The following MECOM variants were observed in gnomAD, a reference collection of about 807,000 sequenced individuals.
MECOM encodes histone-lysine N-methyltransferase MECOM.
Under a neutral mutation model 116.3 loss-of-function variants are expected in MECOM, and 13 were observed. The observed-to-expected ratio is 0.11, with a 90% CI of 0.07 to 0.18. The LOEUF is 0.18. Ranked by LOEUF, MECOM falls within the 10% of genes least tolerant of loss-of-function variation. The pLI, the probability that MECOM is intolerant of heterozygous loss-of-function variation, is 1.00. For synonymous variants in MECOM, 528 were observed against 535.2 expected, an observed-to-expected ratio of 0.99 and a Z score of 0.19; for missense variants, 1,299 against 1,509.0, an observed-to-expected ratio of 0.86 and a Z score of 2.31.
At chr3:169,256,716 T>C (rs1341530124) in intron 2 of MECOM, among the ~76,000 whole-genome samples, 3 of 152,180 alleles carry the variant, frequency 2.0e-5, no homozygotes, top group African/African-American at 2.4e-5. Context: ...CAGTCATCAG[T>C]AGAAAAAGGT....
intron 1 of MECOM, among the ~76,000 whole-genome samples, chr3:169,393,673 A>AT (rs896252694): frequency 4.6e-5 from 7 of 152,062 alleles, no homozygotes; most frequent in African/African-American, 1.4e-4. Flanking sequence ...TATCTCAGTG[A>AT]TTTTTTTGGT....
chr3:169,348,850 T>C (rs918063944), intron 2 of MECOM, among the ~76,000 whole-genome samples: 1 of 152,000 alleles, frequency 6.6e-6, no homozygotes, highest in Non-Finnish European at 1.5e-5. Context: ...TTCAGCAGCA[T>C]GATACATTAC....
At chr3:169,382,879 A>AAAAAAAAAAAAG (rs1358767356) in intron 1 of MECOM, among the ~76,000 whole-genome samples, 11 of 138,544 alleles carry the variant, frequency 7.9e-5, no homozygotes, top group East Asian at 4.8e-4. Context: ...AAAAATAAAA[A>AAAAAAAAAAAAG]AAGAAGGTAA....
Position 169,483,439 on chromosome 3 carries a change from G to A in MECOM, c.38-101915C>T, listed in dbSNP as rs545632072. Among the ~76,000 whole-genome samples, 4 of 141,318 alleles carry A rather than the reference G, an allele frequency of 2.8e-5. No homozygotes were observed. In the East Asian group the frequency reaches 8.0e-4, roughly 28 times the overall value. The allele number at this position is 141,318 out of a possible 152,430, so 92.7% of individuals were successfully genotyped here. Reference sequence around the variant, plus strand: ...TGCCTCCCCAATGGCTGTCAGTTCGGTAAAGTCACCCTCTCCTTCTACTCT... The same window carrying A: ...TGCCTCCCCAATGGCTGTCAGTTCGATAAAGTCACCCTCTCCTTCTACTCT... On this transcript the variant is annotated intron_variant, in intron 1 of 16. Transcript: ENST00000651503.
At chr3:169,147,553 G>T in intron 2 of MECOM, 1 of 985,430 alleles carries the variant, frequency 1.0e-6, no homozygotes, top group Non-Finnish European at 1.2e-6. Flanking sequence ...CAAAAAGGTC[G>T]CCAAGACCCA....
intron 1 of MECOM, among the ~76,000 whole-genome samples, chr3:169,480,790 G>A (rs1432409241): frequency 6.6e-6 from 1 of 152,106 alleles, no homozygotes; most frequent in Non-Finnish European, 1.5e-5. Context: ...TGAAGATTAA[G>A]GGGCATATTT....
chr3:169,535,778 C>T (rs1287036013), intron 1 of MECOM, among the ~76,000 whole-genome samples: 1 of 152,188 alleles, frequency 6.6e-6, no homozygotes, highest in East Asian at 1.9e-4. Context: ...CGTAGGCACT[C>T]AATAAATATT....
At chr3:169,616,496 C>T (rs952677919) in intron 1 of MECOM, among the ~76,000 whole-genome samples, 1 of 152,062 alleles carries the variant, frequency 6.6e-6, no homozygotes, top group Non-Finnish European at 1.5e-5. Context: ...CTGGCACCTG[C>T]CACCACACCT....
At chr3:169,140,065 C>A (rs1363183055) in intron 3 of MECOM, among the ~76,000 whole-genome samples, 3 of 128,488 alleles carry the variant, frequency 2.3e-5, no homozygotes, top group Non-Finnish European at 3.4e-5. Flanking sequence ...GAAAAAAAAA[C>A]ATTTTTATGC....
At chr3:169,111,817 GA>G (rs1240259641) in intron 9 of MECOM, among the ~76,000 whole-genome samples, 2 of 151,656 alleles carry the variant, frequency 1.3e-5, no homozygotes, top group South Asian at 2.1e-4. Context: ...AAAGGAAAAG[GA>G]AAAAAGAACC....
chr3:169,386,011 T>C (rs1329218276), intron 1 of MECOM, among the ~76,000 whole-genome samples: 1 of 152,204 alleles, frequency 6.6e-6, no homozygotes, highest in Non-Finnish European at 1.5e-5. Flanking sequence ...AAGCATATTG[T>C]TGGATTTGAG....
chr3:169,542,867 T>C (rs1760266702), intron 1 of MECOM, among the ~76,000 whole-genome samples: 1 of 152,216 alleles, frequency 6.6e-6, no homozygotes, highest in South Asian at 2.1e-4. Context: ...CTTTGGAAAG[T>C]TGAAGCAACT....
intron 1 of MECOM, among the ~76,000 whole-genome samples, chr3:169,433,683 A>AAGAAAGAAAGAAAGAAAG (rs946788070): frequency 1.3e-5 from 2 of 150,332 alleles, no homozygotes; most frequent in East Asian, 2.0e-4. Flanking sequence ...GAAAGAAAGA[A>AAGAAAGAAAGAAAGAAAG]AGAAAGAGAA....
chr3:169,562,404 G>A (rs531854832), intron 1 of MECOM, among the ~76,000 whole-genome samples: 1 of 152,166 alleles, frequency 6.6e-6, no homozygotes, highest in East Asian at 1.9e-4. Flanking sequence ...GTGAGGTGTG[G>A]CATGTTAGAA....
intron 2 of MECOM, among the ~76,000 whole-genome samples, chr3:169,162,564 A>G (rs1743000489): frequency 6.6e-6 from 1 of 152,118 alleles, no homozygotes; most frequent in Admixed American, 6.6e-5. Flanking sequence ...TATTACTGGG[A>G]GCTTAGGCGA....
chr3:169,374,343 C>T (rs1730656429), intron 2 of MECOM, among the ~76,000 whole-genome samples: 1 of 151,792 alleles, frequency 6.6e-6, no homozygotes, highest in Non-Finnish European at 1.5e-5. Flanking sequence ...TTTAAGCCAC[C>T]CAGTTTATGG....
intron 1 of MECOM, among the ~76,000 whole-genome samples, chr3:169,633,204 C>T (rs1177341389): frequency 2.0e-5 from 3 of 152,146 alleles, no homozygotes; most frequent in Admixed American, 6.5e-5. Context: ...AACAACAAAA[C>T]GGTACATGCC....
intron 2 of MECOM, among the ~76,000 whole-genome samples, chr3:169,171,179 A>G (rs2149371365): frequency 6.6e-6 from 1 of 152,344 alleles, no homozygotes; most frequent in Non-Finnish European, 1.5e-5. Context: ...CAAAGAAACA[A>G]TAATGAAGGT....
intron 2 of MECOM, among the ~76,000 whole-genome samples, chr3:169,346,702 A>G (rs1725415813): frequency 6.6e-6 from 1 of 151,954 alleles, no homozygotes; most frequent in South Asian, 2.1e-4. Flanking sequence ...CACTCTTACT[A>G]TAAAAAAAAA....
Sources: allele counts gnomAD v4.1 joint callset (sites outside exome capture counted in the v4.1 genomes callset), GRCh38; gene constraint gnomAD v4.1.1; transcripts MANE v1.5; gene names NCBI Gene and HGNC (gene_info 2026-07-23, HGNC 2026-07-21).